The following PDE8B variants were observed in gnomAD, a reference collection of about 807,000 sequenced individuals.
PDE8B encodes the protein high affinity cAMP-specific and IBMX-insensitive 3',5'-cyclic phosphodiesterase 8B.
A neutral mutation model predicts 101.3 loss-of-function variants in PDE8B; 26 were observed. The observed-to-expected ratio is 0.26, with a 90% confidence interval of 0.19 to 0.36. PDE8B has a LOEUF of 0.36. Ranked by LOEUF, PDE8B falls within the 10% of genes least tolerant of loss-of-function variation. The probability of loss-of-function intolerance (pLI) is 1.00; values close to 1 mark genes in which losing one functional copy is unlikely to be tolerated. For synonymous variants in PDE8B, 424 were observed against 429.3 expected (o/e 0.99, Z 0.15); for missense variants, 810 against 1,163.1 (o/e 0.70, Z 4.42).
the PDE8B span, among the ~76,000 whole-genome samples, chr5:77,161,801 T>C: frequency 6.6e-6 from 1 of 152,152 alleles, no homozygotes; most frequent in East Asian, 1.9e-4. Flanking sequence ...GTATGTTTAA[T>C]ATTCGCCATT....
intron 10 of PDE8B, among the ~76,000 whole-genome samples, chr5:77,365,877 A>T (rs750824747): frequency 3.3e-5 from 5 of 152,140 alleles, no homozygotes; most frequent in Non-Finnish European, 7.4e-5. Context: ...GGGGTAGATG[A>T]TGTGCTGGGC....
At chr5:77,345,747 T>C (rs774711609) in intron 7 of PDE8B, among the ~76,000 whole-genome samples, 1 of 152,224 alleles carries the variant, frequency 6.6e-6, no homozygotes, top group Non-Finnish European at 1.5e-5. Context: ...ATATAGACTT[T>C]CCACGAATTG....
At chr5:77,160,632 T>C in the PDE8B span, among the ~76,000 whole-genome samples, 1 of 152,170 alleles carries the variant, frequency 6.6e-6, no homozygotes, top group Non-Finnish European at 1.5e-5. Flanking sequence ...TAACGGTATG[T>C]ATATCTTTTT....
At chr5:77,098,001 GCTTT>G in the PDE8B span, among the ~76,000 whole-genome samples, 1 of 151,074 alleles carries the variant, frequency 6.6e-6, no homozygotes, top group Non-Finnish European at 1.5e-5. Flanking sequence ...CTCTCTACAT[GCTTT>G]CTTAGTTTGG....
At chr5:77,237,113 G>T (rs1754855194) in intron 1 of PDE8B, among the ~76,000 whole-genome samples, 2 of 151,960 alleles carry the variant, frequency 1.3e-5, no homozygotes, top group African/African-American at 4.8e-5. Flanking sequence ...TATTCACCTG[G>T]TTTATTCTTT....
At chr5:77,183,561 G>C in the PDE8B span, among the ~76,000 whole-genome samples, 2 of 152,094 alleles carry the variant, frequency 1.3e-5, no homozygotes, top group Non-Finnish European at 2.9e-5. Context: ...GAAAAGGGGA[G>C]GGCAAAAAGT....
At chr5:77,210,500 A>AGGCAGGCG (rs2056357054), upstream of PDE8B, 3 of 390,884 alleles carry the variant, frequency 7.7e-6, no homozygotes, top group Non-Finnish European at 1.0e-5. This position sits in a 1 kb window ranked among gnomAD's most constrained non-coding sequence, Gnocchi z 4.9. Flanking sequence ...AAGAAGGTGC[A>AGGCAGGCG]GGCAGGCGGG....
Position 77,426,950 on chromosome 5 carries a change from A to G in PDE8B, c.*396A>G, listed in dbSNP as rs1175371539. 8.3e-6 allele frequency: 2 copies of G among 239,846 alleles called. No homozygotes were observed. Among genetic ancestry groups the G allele is most frequent in the African/African-American group, 4.6e-5 (2 of 43,782 alleles). The allele number at this position is 239,846 out of a possible 1,614,324, so 14.9% of individuals were successfully genotyped here. ...TGATCAGCTCATCCTTTACCATAAA[A>G]GTCATCATTGCTGTTTAGCTTGACT... is the stretch of plus-strand genomic sequence containing the variant. On this transcript the variant is annotated 3_prime_UTR_variant, in exon 22 of 22. Coordinates refer to ENST00000264917, the MANE Select transcript of PDE8B (RefSeq NM_003719.5).
intron 1 of PDE8B, among the ~76,000 whole-genome samples, chr5:77,225,125 C>T (rs992835043): frequency 2.6e-5 from 4 of 152,186 alleles, no homozygotes; most frequent in African/African-American, 9.7e-5. Flanking sequence ...ATTCTTTCTA[C>T]AGTGCTTCTG....
chr5:77,326,234 C>T lies in PDE8B; in HGVS notation c.590+505C>T, dbSNP rs1581054920. 2.0e-5 allele frequency among the ~76,000 whole-genome samples: 3 copies of T among 152,294 alleles called. No homozygotes were observed. The East Asian group carries it at 5.8e-4, about 29-fold the overall frequency. On this transcript the variant is annotated intron_variant, in intron 3 of 21. Coordinates refer to ENST00000264917, the MANE Select transcript of PDE8B (RefSeq NM_003719.5). ...AGAAAATCTTCCAGGGACCAAAACC[C>T]CCTGCTTGTTTATAGAAATGCTTGC... is the stretch of plus-strand genomic sequence containing the variant.
intron 1 of PDE8B, among the ~76,000 whole-genome samples, chr5:77,243,388 A>G (rs1311146512): frequency 6.6e-6 from 1 of 152,204 alleles, no homozygotes; most frequent in Non-Finnish European, 1.5e-5. Context: ...ACTTTATCAA[A>G]TTAAAGTGTA....
chr5:77,413,555 C>A (rs1469844177), intron 17 of PDE8B, among the ~76,000 whole-genome samples: 2 of 152,114 alleles, frequency 1.3e-5, no homozygotes, highest in African/African-American at 4.8e-5. Context: ...ATATGCATGG[C>A]AGATCATGAA....
intron 10 of PDE8B, among the ~76,000 whole-genome samples, chr5:77,386,865 C>CTTTTTTTTTTTTTTTTTTT (rs59393259): frequency 9.8e-5 from 5 of 51,060 alleles, no homozygotes; most frequent in African/African-American, 1.9e-4. Context: ...GATGTAGTTT[C>CTTTTTTTTTTTTTTTTTTT]TTTTTTTTTT....
intron 1 of PDE8B, among the ~76,000 whole-genome samples, chr5:77,240,460 A>G (rs1422403909): frequency 6.6e-6 from 1 of 152,186 alleles, no homozygotes; most frequent in Non-Finnish European, 1.5e-5. Flanking sequence ...GCCAAGGGCA[A>G]TTTAAATTTT....
At chr5:77,416,456 G>T (rs909673528) in intron 17 of PDE8B, among the ~76,000 whole-genome samples, 4 of 152,200 alleles carry the variant, frequency 2.6e-5, no homozygotes, top group African/African-American at 4.8e-5. Flanking sequence ...ATCGCTGAAC[G>T]TGCCTGCAGG....
rs530174405 is a variant in PDE8B at position 77,228,680 on chromosome 5, T to C, written c.339+17416T>C. 3.3e-5 allele frequency among the ~76,000 whole-genome samples: 5 copies of C among 152,188 alleles called. No homozygotes were observed. In the East Asian group the frequency reaches 7.7e-4, roughly 24 times the overall value. On this transcript the variant is annotated intron_variant, in intron 1 of 21. Coordinates refer to ENST00000264917, the MANE Select transcript of PDE8B (RefSeq NM_003719.5). ...CCATGTGTGGAAGACATATAGAAGGTATCAGAAATGGAGAAAATGAAAGAT... is the reference window on the plus strand; with the variant it reads ...CCATGTGTGGAAGACATATAGAAGGCATCAGAAATGGAGAAAATGAAAGAT...
rs749607920 is a variant in PDE8B, at chr5:77,351,072, AG to A, written c.1030del (p.Val344PhefsTer16). On this transcript the variant is annotated frameshift_variant, in exon 9 of 22. Transcript: ENST00000264917. LOFTEE classifies it high-confidence loss of function. ...NTCIKKGKEWQGVYYARRKSG... is the reference protein window; with the variant it reads ...NTCIKKGKEWXGVYYARRKSG... Reference sequence around the variant, plus strand: ...CTCTCTTTGTCCATGTAGGAGTGGCAGGGGGTTTACTATGCCAGACGGAAAT... The same window carrying A: ...CTCTCTTTGTCCATGTAGGAGTGGCAGGGGTTTACTATGCCAGACGGAAAT... 1 of 1,613,122 alleles carries A rather than the reference AG, an allele frequency of 6.2e-7. No individual in the cohort carries two copies. Among genetic ancestry groups the A allele is most frequent in the East Asian group, 2.2e-5 (1 of 44,878 alleles).
chr5:77,184,402 A>G, the PDE8B span, among the ~76,000 whole-genome samples: 1 of 152,168 alleles, frequency 6.6e-6, no homozygotes. Context: ...TCTCAGAAGT[A>G]TTGTCTATAA....
At chr5:77,134,473 A>T in the PDE8B span, 1 of 152,228 alleles carries the variant, frequency 6.6e-6, no homozygotes, top group Non-Finnish European at 1.5e-5. Flanking sequence ...GAGACACAGC[A>T]AGTGTCCCAT....
Sources: gnomAD v4.1 joint callset for allele counts (sites outside exome capture counted in the v4.1 genomes callset) on GRCh38, gnomAD v4.1.1 for gene constraint, Gnocchi (gnomAD v3.1) non-coding constraint, MANE v1.5 for transcripts, NCBI Gene and HGNC (gene_info 2026-07-23, HGNC 2026-07-21) for gene names.